The following AOX1 variants were observed in gnomAD, a reference collection of about 807,000 sequenced individuals.
AOX1 encodes the protein aldehyde oxidase.
A neutral mutation model predicts 169.5 loss-of-function variants in AOX1; 153 were observed. That is an observed-to-expected ratio of 0.90 (90% CI 0.79 to 1.03). AOX1 has a LOEUF of 1.03. Among genes scored for constraint, AOX1 ranks in the 50% least tolerant of loss-of-function variants. The probability of loss-of-function intolerance (pLI) is 0.00; values close to 1 mark genes in which losing one functional copy is unlikely to be tolerated. For synonymous variants in AOX1, 562 were observed against 581.9 expected (o/e 0.97, Z 0.49); for missense variants, 1,656 against 1,663.9 (o/e 1.00, Z 0.08).
rs200739816 is a variant in AOX1 at position 200,619,108 on chromosome 2, TC to T, written c.1705-1538del. Among the ~76,000 whole-genome samples the T allele has an allele frequency of 8.1e-3, 1,230 of 152,338 alleles. 13 individuals carry two copies. The highest frequency in any genetic ancestry group is 0.027 in the African/African-American group (1,136 of 41,588). On this transcript the variant is annotated intron_variant, in intron 16 of 34. Transcript: ENST00000374700. ...CAAATACAAAAGAATTTAGCTTTTC[TC>T]CCCGCTCAGATGCCTTAAAGGATGC...
intron 19 of AOX1, among the ~76,000 whole-genome samples, chr2:200,625,607 G>A (rs1376269897): frequency 6.6e-6 from 1 of 152,174 alleles, no homozygotes; most frequent in East Asian, 1.9e-4. Flanking sequence ...TTAGAGCAGG[G>A]AAATATGCCC....
At chr2:200,635,859 C>A (rs1234788605) in intron 21 of AOX1, among the ~76,000 whole-genome samples, 1 of 152,076 alleles carries the variant, frequency 6.6e-6, no homozygotes, top group African/African-American at 2.4e-5. Context: ...GAATGTGAGA[C>A]TATGGAGAAT....
chr2:200,617,481 CAAAAAAAAAAAAAA>C (rs35035526), intron 16 of AOX1, among the ~76,000 whole-genome samples: 2 of 58,190 alleles, frequency 3.4e-5, no homozygotes, highest in East Asian at 4.9e-4. Flanking sequence ...CAACTAACTG[CAAAAAAAAAAAAAA>C]AAAAAAAAAA....
chr2:200,627,491 A>G, intron 20 of AOX1, 42 bp downstream of exon 20: 7 of 1,423,014 alleles, frequency 4.9e-6, no homozygotes, highest in Non-Finnish European at 6.9e-6. Context: ...GAAGTCTTCT[A>G]AGCATGTCAG....
Position 200,627,442 on chromosome 2 carries a change from T to C in AOX1, c.2214T>C (p.Ile738=), listed in dbSNP as rs762144249. 1 of 1,610,594 alleles carries C rather than the reference T, an allele frequency of 6.2e-7. No homozygotes were observed. Among genetic ancestry groups the C allele is most frequent in the South Asian group, 1.1e-5 (1 of 90,982 alleles). Residue 738 remains isoleucine, a synonymous_variant, in exon 20 of 35, where the codon ATT becomes ATC. Coordinates refer to ENST00000374700, the MANE Select transcript of AOX1 (RefSeq NM_001159.4). ...AAGCATTTAAAGTGGTTGATCAAAT[T>C]CTTGAAGGTAAAAAGTAATGGAAGA... ...VDEAFKVVDQ[I]LEGEIHMGGQ...
chr2:200,588,725 G>GTTTTTTTTTTTTTTTTTTT (rs1247445142), intron 1 of AOX1, among the ~76,000 whole-genome samples: 13 of 40,894 alleles, frequency 3.2e-4, no homozygotes, highest in Non-Finnish European at 6.6e-4. Flanking sequence ...ACTAGAATAA[G>GTTTTTTTTTTTTTTTTTTT]CTTTTTTTTT....
At position 200,637,059 on chromosome 2, in the gene AOX1, T is replaced by C. The variant is rs536855679; in HGVS notation, c.2480+15T>C. 6.2e-7 allele frequency: 1 copy of C among 1,613,316 alleles called. No individual in the cohort carries two copies. The highest frequency in any genetic ancestry group is 1.3e-5 in the African/African-American group (1 of 74,966). On this transcript the variant is annotated intron_variant, in intron 22 of 34. Transcript: ENST00000374700. ...GCCGCAAACAAGTAAGTGGAGAAAA[T>C]CTGCTAAAAATAAAGTGAAGTCACA...
intron 25 of AOX1, among the ~76,000 whole-genome samples, chr2:200,647,460 T>C (rs569815049): frequency 5.3e-5 from 8 of 152,376 alleles, no homozygotes; most frequent in African/African-American, 1.9e-4. Flanking sequence ...AATCTGCTGT[T>C]AATCATGTAA....
chr2:200,627,261 C>A, intron 19 of AOX1, 92 bp from the exon 20 acceptor site: 1 of 810,592 alleles, frequency 1.2e-6, no homozygotes, highest in Non-Finnish European at 2.1e-6. Flanking sequence ...GGAGAAACAA[C>A]CCCTGCTCAG....
rs894422028 is a variant in AOX1, at chr2:200,656,721, C to T, written c.3076-121C>T. The T allele has an allele frequency of 6.7e-6, 4 of 598,164 alleles. No individual in the cohort carries two copies. The Admixed American group carries it at 1.2e-4, about 18-fold the overall frequency. 37.1% of individuals were successfully genotyped at this position (598,164 alleles called of 1,614,324 possible). A position where few individuals can be genotyped will look rare whatever the true frequency, so the allele number is the denominator to read the frequency against. The stretch of plus-strand genomic sequence containing the variant: ...CCCCAAAAAGAAACCTAAAATGTTG[C>T]TCCACCCTGGGGGGTGCGGGATTCT... On this transcript the variant is annotated intron_variant, in intron 26 of 34. Transcript: ENST00000374700.
intron 1 of AOX1, among the ~76,000 whole-genome samples, chr2:200,587,070 T>G (rs2034051834): frequency 6.6e-6 from 1 of 151,490 alleles, no homozygotes; most frequent in Non-Finnish European, 1.5e-5. Flanking sequence ...AGTTCGAGTT[T>G]AGCCTGGGCA....
chr2:200,591,482 G>A (rs1003076533), intron 1 of AOX1, among the ~76,000 whole-genome samples: 6 of 152,210 alleles, frequency 3.9e-5, no homozygotes, highest in African/African-American at 1.4e-4. Context: ...TGCAGTGAAG[G>A]TGAAAGTCCA....
At chr2:200,657,190 A>ATATATATATATATATATATATTTTTTT in intron 27 of AOX1, among the ~76,000 whole-genome samples, 3 of 62,910 alleles carry the variant, frequency 4.8e-5, no homozygotes, top group Admixed American at 2.4e-4. Context: ...ATATATATAT[A>ATATATATATATATATATATATTTTTTT]TTTTTTTTTT....
rs878963403 is a variant in AOX1 at position 200,595,515 on chromosome 2, T to G, written c.200+147T>G. The G allele has an allele frequency of 1.2e-5, 6 of 494,076 alleles. No individual in the cohort carries two copies. The Admixed American group carries it at 2.2e-4, about 18-fold the overall frequency. The allele number at this position is 494,076 out of a possible 1,614,324, so 30.6% of individuals were successfully genotyped here. A position where few individuals can be genotyped will look rare whatever the true frequency, so the allele number is the denominator to read the frequency against. On this transcript the variant is annotated intron_variant, in intron 3 of 34. Transcript: ENST00000374700. ...ACAATGATGAACAAGACAGACATGG[T>G]CCTAGGAATATGAATGTTTTGGGAA...
chr2:200,594,369 C>G (rs1048632283), intron 2 of AOX1, among the ~76,000 whole-genome samples: 5 of 152,100 alleles, frequency 3.3e-5, no homozygotes, highest in South Asian at 2.1e-4. Context: ...GGTCAGTTAC[C>G]CTCTGTGTTG....
chr2:200,675,667 A>T (rs947522101), downstream of AOX1, among the ~76,000 whole-genome samples: 2 of 152,210 alleles, frequency 1.3e-5, no homozygotes, highest in Non-Finnish European at 2.9e-5. Context: ...GTGAAAAATT[A>T]AAAACAATGT....
At chr2:200,674,950 A>G (rs898509260), downstream of AOX1, among the ~76,000 whole-genome samples, 2 of 152,218 alleles carry the variant, frequency 1.3e-5, no homozygotes, top group African/African-American at 4.8e-5. Flanking sequence ...ATTAATCATC[A>G]TAAGATCCCA....
chr2:200,638,402 A>G, intron 23 of AOX1, 100 bp downstream of exon 23: 1 of 1,005,458 alleles, frequency 9.9e-7, no homozygotes, highest in Non-Finnish European at 1.5e-6. Context: ...GGGAGTAACA[A>G]TGAGCAAATC....
intron 15 of AOX1, among the ~76,000 whole-genome samples, chr2:200,615,135 A>G (rs1159701251): frequency 6.6e-6 from 1 of 151,976 alleles, no homozygotes; most frequent in African/African-American, 2.4e-5. Flanking sequence ...CCTCCCAAAT[A>G]GCTGAGACCA....
Sources: gnomAD v4.1 joint callset for allele counts (sites outside exome capture counted in the v4.1 genomes callset) on GRCh38, gnomAD v4.1.1 for gene constraint, MANE v1.5 for transcripts, NCBI Gene and HGNC (gene_info 2026-07-23, HGNC 2026-07-21) for gene names.